Variants in CHST8 observed in about 807,000 individuals in gnomAD.
CHST8 encodes the protein carbohydrate sulfotransferase 8.
A neutral mutation model predicts 15.0 loss-of-function variants in CHST8; 10 were observed. The observed-to-expected ratio is 0.67, with a 90% CI of 0.41 to 1.13. The LOEUF is 1.13. Ranked by LOEUF, CHST8 falls within the 50% of genes most tolerant of loss-of-function variation. CHST8 has a pLI of 0.00. For missense variants in CHST8, 634 were observed against 608.2 expected, an observed-to-expected ratio of 1.04 and a Z score of -0.45; for synonymous variants, 259 against 256.6, an observed-to-expected ratio of 1.01 and a Z score of -0.09.
At chr19:33,675,795 G>A (rs766584989) in intron 2 of CHST8, among the ~76,000 whole-genome samples, 4 of 152,230 alleles carry the variant, frequency 2.6e-5, no homozygotes, top group Non-Finnish European at 5.9e-5. Flanking sequence ...TGACCAGTGA[G>A]GCTGTAGCAG....
chr19:33,651,610 A>G, intron 1 of CHST8, among the ~76,000 whole-genome samples: 1 of 152,180 alleles, frequency 6.6e-6, no homozygotes, highest in Admixed American at 6.5e-5. Flanking sequence ...TCAATAGCCA[A>G]TAGGTTTTAT....
At chr19:33,643,359 A>C (rs544164678) in intron 1 of CHST8, among the ~76,000 whole-genome samples, 94 of 152,320 alleles carry the variant, frequency 6.2e-4, no homozygotes, top group African/African-American at 2.2e-3. Flanking sequence ...TTAAGAAGGC[A>C]TAAATAATAA....
intron 3 of CHST8, among the ~76,000 whole-genome samples, chr19:33,716,473 C>T (rs930555141): frequency 2.4e-4 from 37 of 152,204 alleles, no homozygotes; most frequent in Admixed American, 3.9e-4. Flanking sequence ...CTCAAGCAAT[C>T]CTCCTACCCC....
intron 1 of CHST8, among the ~76,000 whole-genome samples, chr19:33,628,995 G>A (rs1488067956): frequency 1.3e-5 from 2 of 152,162 alleles, no homozygotes; most frequent in African/African-American, 4.8e-5. Flanking sequence ...TGAGCCCTTG[G>A]TTCTTCCACT....
chr19:33,658,108 G>A (rs1393202937), intron 1 of CHST8, among the ~76,000 whole-genome samples: 2 of 152,156 alleles, frequency 1.3e-5, no homozygotes, highest in African/African-American at 4.8e-5. Flanking sequence ...GGGAGGCTAA[G>A]ATGGGTGGAT....
intron 3 of CHST8, among the ~76,000 whole-genome samples, chr19:33,737,411 G>A (rs1599603223): frequency 1.3e-5 from 2 of 152,198 alleles, no homozygotes; most frequent in Admixed American, 1.3e-4. Flanking sequence ...CACGCATTCG[G>A]AACTGTCCCT....
chr19:33,747,569 A>T (rs1414480335), intron 3 of CHST8, among the ~76,000 whole-genome samples: 1 of 152,074 alleles, frequency 6.6e-6, no homozygotes, highest in Non-Finnish European at 1.5e-5. Flanking sequence ...ATACACACAC[A>T]CACACATACA....
In CHST8 at chr19:33,718,188, A is replaced by G. The variant is rs540220067; in HGVS notation, c.130+28797A>G. On this transcript the variant is annotated intron_variant, in intron 3 of 4. Transcript: ENST00000650847. Reference sequence around the variant, plus strand: ...TCCCGCCAGGGGTGCAGTAGGGGATAGTTGCCTGGTCACTGGATTGTCTTT... The same window carrying G: ...TCCCGCCAGGGGTGCAGTAGGGGATGGTTGCCTGGTCACTGGATTGTCTTT... Among the ~76,000 whole-genome samples, 14 of 151,322 alleles carry G rather than the reference A, an allele frequency of 9.3e-5. No homozygotes were observed. In the South Asian group the frequency reaches 2.9e-3, roughly 32 times the overall value.
chr19:33,707,975 T>C (rs1375580299), intron 3 of CHST8, among the ~76,000 whole-genome samples: 5 of 152,180 alleles, frequency 3.3e-5, no homozygotes, highest in Admixed American at 2.6e-4. Flanking sequence ...TGGTGTCTCA[T>C]TGTGGTTTTA....
chr19:33,741,862 G>A lies in CHST8; in HGVS notation c.131-29551G>A, dbSNP rs867761027. The stretch of plus-strand genomic sequence containing the variant: ...TTATCCCACAGATCAAGGACATGGG[G>A]GTTTTGCCAGCTGTCACATCTATCT... On this transcript the variant is annotated intron_variant, in intron 3 of 4. Coordinates refer to ENST00000650847, the MANE Select transcript of CHST8 (RefSeq NM_001127895.2). 4.3e-4 allele frequency among the ~76,000 whole-genome samples: 66 copies of A among 152,190 alleles called. No homozygotes were observed. The Middle Eastern group carries it at 0.01, about 24-fold the overall frequency.
intron 1 of CHST8, among the ~76,000 whole-genome samples, chr19:33,642,145 C>T (rs1270553156): frequency 6.6e-6 from 1 of 152,084 alleles, no homozygotes; most frequent in Non-Finnish European, 1.5e-5. Flanking sequence ...CTGACTGTGG[C>T]CTTTGTTCTG....
chr19:33,651,182 A>G (rs775205528), intron 1 of CHST8, among the ~76,000 whole-genome samples: 5 of 152,284 alleles, frequency 3.3e-5, no homozygotes, highest in African/African-American at 4.8e-5. Flanking sequence ...AAACCCACCT[A>G]AGGTCATGAA....
At chr19:33,674,294 G>T (rs1036758790) in intron 2 of CHST8, among the ~76,000 whole-genome samples, 1 of 152,188 alleles carries the variant, frequency 6.6e-6, no homozygotes, top group African/African-American at 2.4e-5. Flanking sequence ...TGTCACCTAG[G>T]TGTGGCCTGC....
intron 3 of CHST8, among the ~76,000 whole-genome samples, chr19:33,694,214 ATATATAAT>A (rs1352159858): frequency 9.8e-5 from 8 of 81,806 alleles, no homozygotes; most frequent in African/African-American, 3.6e-4. Flanking sequence ...ATATATATAT[ATATATAAT>A]GTTACCATAC....
chr19:33,769,425 CAG>C (rs1222104833), intron 3 of CHST8, among the ~76,000 whole-genome samples: 1 of 152,180 alleles, frequency 6.6e-6, no homozygotes, highest in East Asian at 1.9e-4. Context: ...GGTGGTTTAG[CAG>C]AGCCAGCTGC....
chr19:33,745,598 C>T (rs551549983), intron 3 of CHST8, among the ~76,000 whole-genome samples: 12 of 152,264 alleles, frequency 7.9e-5, no homozygotes, highest in African/African-American at 2.4e-4. Flanking sequence ...TTGCACGGGG[C>T]TGGGAGGGAG....
rs534145149 is a variant in CHST8 at position 33,735,195 on chromosome 19, GGCCCCTC to G, written c.131-36217_131-36211del. Among the ~76,000 whole-genome samples, 320 of 152,314 alleles carry G rather than the reference GGCCCCTC, an allele frequency of 2.1e-3. 1 individual carries two copies. The highest frequency in any genetic ancestry group is 7.3e-3 in the African/African-American group (304 of 41,566). ...AGGGTTGGGTAGGGGGGTCAGCTCT[GGCCCCTC>G]CCCAGCTGGCTCACAGCTTCCTACC... is the stretch of plus-strand genomic sequence containing the variant. On this transcript the variant is annotated intron_variant, in intron 3 of 4. Transcript: ENST00000650847.
intron 1 of CHST8, among the ~76,000 whole-genome samples, chr19:33,629,736 C>T (rs1426935231): frequency 3.3e-5 from 5 of 152,264 alleles, no homozygotes; most frequent in Admixed American, 3.3e-4. Context: ...CAGCTCCTCC[C>T]TGACTGGGCC....
At chr19:33,704,789 A>G (rs1973415164) in intron 3 of CHST8, among the ~76,000 whole-genome samples, 1 of 151,956 alleles carries the variant, frequency 6.6e-6, no homozygotes, top group African/African-American at 2.4e-5. Context: ...AGGCACCTAT[A>G]ATCCCAGGTA....
Sources: allele counts gnomAD v4.1 joint callset (sites outside exome capture counted in the v4.1 genomes callset), GRCh38; gene constraint gnomAD v4.1.1; transcripts MANE v1.5; gene names NCBI Gene and HGNC (gene_info 2026-07-23, HGNC 2026-07-21).